The following TTC21A variants were observed in gnomAD, a reference collection of about 807,000 sequenced individuals.
TTC21A encodes tetratricopeptide repeat protein 21A.
TTC21A carries 128 observed loss-of-function variants against 156.4 expected under a neutral mutation model. The observed-to-expected ratio is 0.82, with a 90% CI of 0.71 to 0.95. The LOEUF (loss-of-function observed/expected upper bound fraction) is 0.95, where lower values mean the gene tolerates loss of function less well. Ranked by LOEUF, TTC21A falls within the 40% of genes least tolerant of loss-of-function variation. The pLI is 0.00. For missense variants in TTC21A, 1,435 were observed against 1,602.3 expected, an observed-to-expected ratio of 0.90 and a Z score of 1.78; for synonymous variants, 587 against 617.1, an observed-to-expected ratio of 0.95 and a Z score of 0.72.
chr3:39,108,002 TC>T, intron 1 of TTC21A, 138 bp downstream of exon 1: 2 of 1,044,744 alleles, frequency 1.9e-6, no homozygotes, highest in Non-Finnish European at 2.8e-6. Context: ...CTTGCCCCAC[TC>T]CCCCTGGCAA....
chr3:39,107,693 T>A lies in TTC21A; in HGVS notation c.-145T>A. The A allele has an allele frequency of 7.5e-7, 1 of 1,339,626 alleles. No homozygotes were observed. Among genetic ancestry groups the A allele is most frequent in the Non-Finnish European group, 1.0e-6 (1 of 954,288 alleles). The allele number at this position is 1,339,626 out of a possible 1,614,324, so 83.0% of individuals were successfully genotyped here. ...TCCTCCCACTCCAGACACTGGACGCTCCTAGCAACCGGCTAGCAGCTCGGT... is the reference window on the plus strand; with the variant it reads ...TCCTCCCACTCCAGACACTGGACGCACCTAGCAACCGGCTAGCAGCTCGGT... On this transcript the variant is annotated 5_prime_UTR_variant, in exon 1 of 29. Coordinates refer to ENST00000683103, the MANE Select transcript of TTC21A (RefSeq NM_001366900.1).
In TTC21A at chr3:39,128,489, G is replaced by C. The variant is rs1265318315; in HGVS notation, c.1680+1G>C. 5.6e-6 allele frequency: 9 copies of C among 1,614,046 alleles called. No homozygotes were observed. The highest frequency in any genetic ancestry group is 7.6e-6 in the Non-Finnish European group (9 of 1,180,004). On this transcript the variant is annotated splice_donor_variant, in intron 13 of 28. Transcript: ENST00000683103. LOFTEE classifies it high-confidence loss of function. The stretch of plus-strand genomic sequence containing the variant: ...GCTGGGTGTCAGCCACAACTTCCAG[G>C]TGGGTGCCCTCTCATCCTCTCAGCA...
chr3:39,128,876 C>T lies in TTC21A; in HGVS notation c.1840C>T (p.Gln614Ter). ...KFLRPSVQPS[Q>*]RASILLELVE... ...CCTCAGGCCCTCTGTGCAGCCTAGC[C>T]AGCGGGCATCCATCTTATTGGAACT... Residue 614 changes from glutamine to a stop codon, truncating the protein, a stop_gained, in exon 14 of 29, where the codon CAG (glutamine) becomes TAG (stop). Coordinates refer to ENST00000683103, the MANE Select transcript of TTC21A (RefSeq NM_001366900.1). LOFTEE classifies it high-confidence loss of function. The T allele has an allele frequency of 6.2e-7, 1 of 1,614,184 alleles. No individual in the cohort carries two copies. The highest frequency in any genetic ancestry group is 8.5e-7 in the Non-Finnish European group (1 of 1,180,028).
At chr3:39,135,061 G>A (rs746555796) in intron 21 of TTC21A, 32 bp from the exon 22 acceptor site, 1 of 1,607,258 alleles carries the variant, frequency 6.2e-7, no homozygotes, top group Non-Finnish European at 8.5e-7. Context: ...GCCACTGTTG[G>A]GAAATCTGGA....
intron 2 of TTC21A, 139 bp downstream of exon 2, chr3:39,109,353 G>A: frequency 1.1e-6 from 1 of 930,034 alleles, no homozygotes; most frequent in East Asian, 2.7e-5. Flanking sequence ...GATTCCCACG[G>A]GAATCCACAG....
Position 39,126,284 on chromosome 3 carries a change from G to A in TTC21A, c.1416G>A (p.Val472=). ...AGCCCAGGTTACCAGGCCAGATCGT[G>A]TCTCCACTTCTTAAACAAGTCGCCG... ...PKQPRLPGQI[V]SPLLKQVAVI... The change falls in exon 12 of 29, where the codon GTG becomes GTA. Residue 472 remains valine (V), a synonymous_variant. Transcript: ENST00000683103. The A allele has an allele frequency of 6.2e-7, 1 of 1,614,042 alleles. No homozygotes were observed. Among genetic ancestry groups the A allele is most frequent in the Non-Finnish European group, 8.5e-7 (1 of 1,179,986 alleles).
Position 39,128,700 on chromosome 3 carries a change from T to G in TTC21A, c.1681-17T>G. ...AGCAGTGAACTGGAGCCCCACACTC[T>G]GCTGTGCTCCTCCTAGGTCCGAGAT... On this transcript the variant is annotated splice_polypyrimidine_tract_variant and intron_variant, in intron 13 of 28. Transcript: ENST00000683103. The G allele has an allele frequency of 6.2e-7, 1 of 1,612,514 alleles. No homozygotes were observed. Among genetic ancestry groups the G allele is most frequent in the Non-Finnish European group, 8.5e-7 (1 of 1,178,874 alleles).
At chr3:39,117,918 C>T in intron 6 of TTC21A, 151 bp from the exon 7 acceptor site, 1 of 665,546 alleles carries the variant, frequency 1.5e-6, no homozygotes, top group South Asian at 1.8e-5. Flanking sequence ...TGTCTTTATT[C>T]TGAGCAGCTT....
At position 39,125,066 on chromosome 3, in the gene TTC21A, T is replaced by A; in HGVS notation, c.1097T>A (p.Ile366Asn). 1.2e-6 allele frequency: 2 copies of A among 1,608,836 alleles called. No individual in the cohort carries two copies. The highest frequency in any genetic ancestry group is 1.1e-5 in the South Asian group (1 of 90,962). Residue 366 changes from isoleucine (I) to asparagine (N), a missense_variant, in exon 10 of 29, where the codon ATC becomes AAC. Ile to Asn is a moderately radical substitution (Grantham distance 149). Coordinates refer to ENST00000683103, the MANE Select transcript of TTC21A (RefSeq NM_001366900.1). ...DKDGMAGLTGIILCHILEGHL... is the reference protein window; with the variant it reads ...DKDGMAGLTGNILCHILEGHL... ...CATTGTTTTGTCCCATTTACAGGGATCATCTTGTGTCATATCTTAGAAGGC... is the reference window on the plus strand; with the variant it reads ...CATTGTTTTGTCCCATTTACAGGGAACATCTTGTGTCATATCTTAGAAGGC...
rs756014738 is a variant in TTC21A at position 39,112,510 on chromosome 3, C to T, written c.488C>T (p.Ala163Val). Residue 163 changes from alanine (A) to valine (V), a missense_variant, in exon 5 of 29, where the codon GCG becomes GTG. Physicochemically the swap from Ala to Val is moderately conservative, Grantham distance 64 (BLOSUM62 0). Coordinates refer to ENST00000683103, the MANE Select transcript of TTC21A (RefSeq NM_001366900.1). ...VDLTSDKPHT[A>V]KKAIEYLEQG... ...CTGACCTCAGACAAGCCCCACACTG[C>T]GAAGAAAGCCATTGAGTACCTGGAA... is the stretch of plus-strand genomic sequence containing the variant. 16 of 1,614,072 alleles carry T rather than the reference C, an allele frequency of 9.9e-6. No individual in the cohort carries two copies. The highest frequency in any genetic ancestry group is 7.7e-5 in the South Asian group (7 of 91,082).
Position 39,126,121 on chromosome 3 carries a change from A to G in TTC21A, c.1393-140A>G, listed in dbSNP as rs959459152. The stretch of plus-strand genomic sequence containing the variant: ...TCCATAGCCTGGAGCTCGTGCTCTA[A>G]GCACTAGGTGATACAGAGGATAATA... On this transcript the variant is annotated intron_variant, in intron 11 of 28. Coordinates refer to ENST00000683103, the MANE Select transcript of TTC21A (RefSeq NM_001366900.1). 2.3e-5 allele frequency: 24 copies of G among 1,054,516 alleles called. No homozygotes were observed. The East Asian group carries it at 5.1e-4, about 22-fold the overall frequency. The allele number at this position is 1,054,516 out of a possible 1,614,324, so 65.3% of individuals were successfully genotyped here.
rs2036560223 is a variant in TTC21A at position 39,109,118 on chromosome 3, T to C, written c.61T>C (p.Phe21Leu). 1 of 1,614,148 alleles carries C rather than the reference T, an allele frequency of 6.2e-7. No individual in the cohort carries two copies. The highest frequency in any genetic ancestry group is 8.5e-7 in the Non-Finnish European group (1 of 1,179,984). The change falls in exon 2 of 29, where the codon TTC becomes CTC. Residue 21 changes from phenylalanine (F) to leucine (L), a missense_variant. Transcript: ENST00000683103. The part of the protein sequence containing the change: ...GIIYYSQEKY[F>L]HHVQQAAAVG... ...CATTTACTATAGCCAGGAAAAGTAC[T>C]TCCACCATGTGCAGCAGGCTGCAGC...
chr3:39,136,183 A>G, intron 22 of TTC21A, 174 bp from the exon 23 acceptor site: 2 of 587,650 alleles, frequency 3.4e-6, no homozygotes, highest in Non-Finnish European at 5.9e-6. Flanking sequence ...ATTTTTAAGC[A>G]TTAGTATTAT....
At chr3:39,118,220 G>A (rs780334793) in intron 7 of TTC21A, 67 bp downstream of exon 7, 28 of 1,511,090 alleles carry the variant, frequency 1.9e-5, no homozygotes, top group African/African-American at 6.9e-5. Flanking sequence ...TTCATGACCT[G>A]TGCACCTGAC....
chr3:39,137,627 C>A lies in TTC21A; in HGVS notation c.3592C>A (p.Leu1198Ile). The change falls in exon 26 of 29, where the codon CTC (leucine) becomes ATC (isoleucine). Residue 1198 changes from leucine to isoleucine, a missense_variant. Transcript: ENST00000683103. ...SEAEDLEKSW[L>I]LLADIYCQGS... ...GGCTGAGGACCTGGAGAAGAGCTGG[C>A]TCCTGCTGGCTGACATTTACTGCCA... 2 of 1,614,230 alleles carry A rather than the reference C, an allele frequency of 1.2e-6. No individual in the cohort carries two copies. The highest frequency in any genetic ancestry group is 1.7e-6 in the Non-Finnish European group (2 of 1,180,034).
Position 39,124,806 on chromosome 3 carries a change from A to T in TTC21A, c.1094-257A>T, listed in dbSNP as rs116551014. On this transcript the variant is annotated intron_variant, in intron 9 of 28. Coordinates refer to ENST00000683103, the MANE Select transcript of TTC21A (RefSeq NM_001366900.1). ...ATAGTAGTAACGTATTATACCTCAA[A>T]TTGTTCCTAGTGGTTATCTCTAGAG... Among the ~76,000 whole-genome samples, 1,308 of 152,210 alleles carry T rather than the reference A, an allele frequency of 8.6e-3. 20 individuals are homozygous for T. Among genetic ancestry groups the T allele is most frequent in the African/African-American group, 0.03 (1,234 of 41,534 alleles).
chr3:39,111,078 G>A, intron 4 of TTC21A, 61 bp downstream of exon 4: 5 of 1,527,800 alleles, frequency 3.3e-6, no homozygotes, highest in Non-Finnish European at 4.4e-6. Flanking sequence ...CATAATAGCA[G>A]GGTGGCCCTC....
intron 7 of TTC21A, 84 bp downstream of exon 7, chr3:39,118,237 C>A: frequency 7.3e-7 from 1 of 1,364,170 alleles, no homozygotes. Flanking sequence ...TGACCCAAAG[C>A]CCTTGTAGGG....
intron 1 of TTC21A, among the ~76,000 whole-genome samples, chr3:39,108,857 G>A (rs566834979): frequency 6.6e-6 from 1 of 152,262 alleles, no homozygotes; most frequent in East Asian, 1.9e-4. Flanking sequence ...GAATCTGTTG[G>A]TAATCCCCCA....
Sources: allele counts gnomAD v4.1 joint callset (sites outside exome capture counted in the v4.1 genomes callset), GRCh38; gene constraint gnomAD v4.1.1; transcripts MANE v1.5; gene names NCBI Gene and HGNC (gene_info 2026-07-23, HGNC 2026-07-21).